Variants in NDC1 observed in about 807,000 individuals in gnomAD.
The protein encoded by NDC1 is nucleoporin NDC1.
In NDC1, 24 loss-of-function variants were observed where a neutral mutation model predicts 89.8. The observed-to-expected ratio is 0.27, with a 90% CI of 0.19 to 0.38. The LOEUF is 0.38. NDC1 is among the 10% of genes least tolerant of loss of function. NDC1 has a pLI of 1.00. For missense variants in NDC1, 728 were observed against 797.6 expected (o/e 0.91, Z 1.05); for synonymous variants, 296 against 284.8 (o/e 1.04, Z -0.39).
chr1:53,771,719 T>A (rs1419767247), intron 17 of NDC1, among the ~76,000 whole-genome samples: 1 of 152,250 alleles, frequency 6.6e-6, no homozygotes, highest in Non-Finnish European at 1.5e-5. Context: ...TCATTTATAA[T>A]TGTGATAAAT....
At chr1:53,772,016 G>T (rs967034829) in intron 17 of NDC1, among the ~76,000 whole-genome samples, 5 of 152,034 alleles carry the variant, frequency 3.3e-5, no homozygotes, top group Non-Finnish European at 7.4e-5. Context: ...TTCTGGAAAG[G>T]TACTCGGGTT....
chr1:53,774,731 A>T (rs905284082), intron 16 of NDC1, among the ~76,000 whole-genome samples: 4 of 152,070 alleles, frequency 2.6e-5, no homozygotes, highest in African/African-American at 9.7e-5. Context: ...ACTACAAAAA[A>T]TTTAAAAATT....
chr1:53,810,033 A>C (rs1210100331), intron 6 of NDC1, among the ~76,000 whole-genome samples: 1 of 152,250 alleles, frequency 6.6e-6, no homozygotes, highest in Non-Finnish European at 1.5e-5. Context: ...ATTAACTATA[A>C]GCAACTGCAT....
In NDC1 at chr1:53,828,145, T is replaced by C; in HGVS notation, c.309A>G (p.Leu103=). Residue 103 remains leucine (L), a synonymous_variant, in exon 4 of 18, where the codon CTA becomes CTG. Coordinates refer to ENST00000371429, the MANE Select transcript of NDC1 (RefSeq NM_018087.5). ...GATGAATGATCTTCCCTATCAGAGC[T>C]AGTCTGGAGCAAGGAATAGAAGGCA... ...AVVPSIPCSR[L]ALIGKIIHPQ... 2 of 1,614,078 alleles carry C rather than the reference T, an allele frequency of 1.2e-6. No individual in the cohort carries two copies. Among genetic ancestry groups the C allele is most frequent in the Non-Finnish European group, 1.7e-6 (2 of 1,180,008 alleles).
chr1:53,794,305 G>A (rs1435868068), intron 13 of NDC1, among the ~76,000 whole-genome samples: 3 of 152,086 alleles, frequency 2.0e-5, no homozygotes, highest in South Asian at 2.1e-4. Context: ...TGACAATTCC[G>A]GGGGAAAAAG....
intron 6 of NDC1, among the ~76,000 whole-genome samples, chr1:53,818,698 C>A (rs533978071): frequency 6.6e-6 from 1 of 152,156 alleles, no homozygotes; most frequent in African/African-American, 2.4e-5. Flanking sequence ...TTTCACTTAG[C>A]GTAATGTCCT....
At chr1:53,809,595 A>T in intron 7 of NDC1, 100 bp downstream of exon 7, 2 of 888,216 alleles carry the variant, frequency 2.3e-6, no homozygotes, top group Non-Finnish European at 3.6e-6. Flanking sequence ...AATTTTTAAA[A>T]AAATGTTAAA....
chr1:53,777,859 G>A (rs72662312), intron 16 of NDC1, among the ~76,000 whole-genome samples: 18,768 of 152,060 alleles, frequency 0.12, 1,255 homozygotes, highest in Middle Eastern at 0.15. Flanking sequence ...GACTATAGGC[G>A]TGTGCACCTC....
chr1:53,798,653 C>A (rs1320342207), intron 11 of NDC1, among the ~76,000 whole-genome samples: 2 of 150,532 alleles, frequency 1.3e-5, no homozygotes, highest in South Asian at 2.1e-4. Flanking sequence ...CTCCCGAGTT[C>A]AAGCAATTCT....
At chr1:53,791,444 A>C (rs1647500210) in intron 14 of NDC1, among the ~76,000 whole-genome samples, 1 of 152,094 alleles carries the variant, frequency 6.6e-6, no homozygotes, top group African/African-American at 2.4e-5. Flanking sequence ...TGAAAAAAAA[A>C]AAAAAAAAGA....
intron 16 of NDC1, among the ~76,000 whole-genome samples, chr1:53,776,827 T>C (rs1421122852): frequency 1.3e-5 from 2 of 152,222 alleles, no homozygotes; most frequent in Admixed American, 6.5e-5. Flanking sequence ...CAATACTACA[T>C]GATTTTATCA....
intron 7 of NDC1, 83 bp downstream of exon 7, chr1:53,809,612 A>T (rs1312675511): frequency 9.2e-7 from 1 of 1,090,464 alleles, no homozygotes. Context: ...TAAAGGCAAA[A>T]TCTAAACAAA....
intron 9 of NDC1, 21 bp downstream of exon 9, chr1:53,806,404 T>C (rs1280009271): frequency 2.8e-6 from 4 of 1,440,358 alleles, no homozygotes; most frequent in Admixed American, 2.6e-5. Context: ...TGTGTGAAGA[T>C]ATGCAACACA....
In NDC1 at chr1:53,803,866, T is replaced by C. The variant is rs186524830; in HGVS notation, c.1066+62A>G. The C allele has an allele frequency of 4.6e-4, 602 of 1,304,606 alleles. 4 individuals are homozygous for C. The East Asian group carries it at 0.01, about 23-fold the overall frequency. 80.8% of individuals were successfully genotyped at this position (1,304,606 alleles called of 1,614,324 possible). On this transcript the variant is annotated intron_variant, in intron 10 of 17. Coordinates refer to ENST00000371429, the MANE Select transcript of NDC1 (RefSeq NM_018087.5). ...GATTACAGGCTTGAGCCACCATGCC[T>C]GGCCAAGTGAATTACTTTCTACACA...
chr1:53,778,007 T>A (rs1647176285), intron 16 of NDC1, among the ~76,000 whole-genome samples: 1 of 152,158 alleles, frequency 6.6e-6, no homozygotes, highest in Non-Finnish European at 1.5e-5. Context: ...AGAATCTTTT[T>A]TTTTTTAAAG....
At chr1:53,772,809 T>G (rs1395334480) in intron 16 of NDC1, among the ~76,000 whole-genome samples, 1 of 151,566 alleles carries the variant, frequency 6.6e-6, no homozygotes, top group Admixed American at 6.6e-5. Context: ...GAATTAAGAT[T>G]TGAGATAGAT....
At position 53,788,716 on chromosome 1, in the gene NDC1, C is replaced by A. The variant is rs181136111; in HGVS notation, c.1699+417G>T. Among the ~76,000 whole-genome samples the A allele has an allele frequency of 9.9e-5, 15 of 151,984 alleles. No homozygotes were observed. The East Asian group carries it at 1.8e-3, about 18-fold the overall frequency. On this transcript the variant is annotated intron_variant, in intron 15 of 17. Coordinates refer to ENST00000371429, the MANE Select transcript of NDC1 (RefSeq NM_018087.5). Reference sequence around the variant, plus strand: ...TGCTGGGATTACAGGCGTGAGCCACCGCAACTGGCCCACAAAAAAGTTTTT... The same window carrying A: ...TGCTGGGATTACAGGCGTGAGCCACAGCAACTGGCCCACAAAAAAGTTTTT...
chr1:53,835,202 A>C (rs1327116896), intron 2 of NDC1, among the ~76,000 whole-genome samples: 1 of 152,204 alleles, frequency 6.6e-6, no homozygotes, highest in African/African-American at 2.4e-5. Flanking sequence ...AGAGACAAAC[A>C]ATCTCAATAA....
chr1:53,787,941 T>G (rs889789230), intron 15 of NDC1, among the ~76,000 whole-genome samples: 3 of 150,692 alleles, frequency 2.0e-5, no homozygotes, highest in African/African-American at 7.3e-5. Flanking sequence ...CTGAGCAACA[T>G]TTAAGCACTG....
Sources: allele counts gnomAD v4.1 joint callset (sites outside exome capture counted in the v4.1 genomes callset), GRCh38; gene constraint gnomAD v4.1.1; transcripts MANE v1.5; gene names NCBI Gene and HGNC (gene_info 2026-07-23, HGNC 2026-07-21).